Variants in NME5 observed in about 807,000 individuals in gnomAD.
The protein encoded by NME5 is NME/NM23 family member 5.
In NME5, 18 loss-of-function variants were observed where a neutral mutation model predicts 21.6. The observed-to-expected ratio is 0.83, with a 90% CI of 0.58 to 1.24. NME5 has a LOEUF of 1.24. Ranked by LOEUF, NME5 falls within the 50% of genes most tolerant of loss-of-function variation. The probability of loss-of-function intolerance (pLI) is 0.00; values close to 1 mark genes in which losing one functional copy is unlikely to be tolerated. For synonymous variants in NME5, 70 were observed against 80.6 expected (o/e 0.87, Z 0.71); for missense variants, 223 against 255.4 (o/e 0.87, Z 0.86).
intron 2 of NME5, among the ~76,000 whole-genome samples, chr5:138,135,773 T>C (rs1365399737): frequency 6.6e-6 from 1 of 152,244 alleles, no homozygotes. Flanking sequence ...TGAAAAATCT[T>C]ATTCCTATCC....
In NME5 at chr5:138,128,497, G is replaced by GTATT. The variant is rs1751484131; in HGVS notation, c.414_417dup (p.Arg140AsnfsTer7). The GTATT allele has an allele frequency of 5.0e-6, 8 of 1,612,416 alleles. No individual in the cohort carries two copies. The highest frequency in any genetic ancestry group is 6.8e-6 in the Non-Finnish European group (8 of 1,179,082). ...AACTCACCTTCAGGAAACATAAAAC[G>GTATT]TATTTCTCTTTCCGCAGCAGCAAAG... On this transcript the variant is annotated frameshift_variant, in exon 4 of 6. Coordinates refer to ENST00000265191, the MANE Select transcript of NME5 (RefSeq NM_003551.3). LOFTEE classifies it high-confidence loss of function.
Position 138,128,513 on chromosome 5 carries a change from A to C in NME5, c.402T>G (p.Ala134=). The part of the protein sequence containing the change: ...NALHGSNDFA[A]AEREIRFMFP... ...ACATAAAACGTATTTCTCTTTCCGC[A>C]GCAGCAAAGTCATTACTCCCATGAA... Residue 134 remains alanine, a synonymous_variant, in exon 4 of 6, where the codon GCT becomes GCG. Transcript: ENST00000265191. 1 of 1,613,334 alleles carries C rather than the reference A, an allele frequency of 6.2e-7. No individual in the cohort carries two copies.
At chr5:138,121,161 TA>T (rs906855259) in intron 4 of NME5, among the ~76,000 whole-genome samples, 168 of 147,660 alleles carry the variant, frequency 1.1e-3, no homozygotes, top group African/African-American at 3.7e-3. Flanking sequence ...CTCTGTCTCT[TA>T]AAAAAAAAAG....
At chr5:138,132,735 T>C (rs1751597486) in intron 2 of NME5, among the ~76,000 whole-genome samples, 1 of 152,202 alleles carries the variant, frequency 6.6e-6, no homozygotes, top group Admixed American at 6.5e-5. Context: ...CTAGGTGGCA[T>C]AGCTCTGCTA....
intron 4 of NME5, among the ~76,000 whole-genome samples, chr5:138,127,856 C>T (rs1751458822): frequency 6.6e-6 from 1 of 152,164 alleles, no homozygotes; most frequent in Non-Finnish European, 1.5e-5. Flanking sequence ...TCTACTGAAC[C>T]TTTCAGGATA....
At chr5:138,116,236 G>C (rs920304646) in intron 5 of NME5, 1 of 152,304 alleles carries the variant, frequency 6.6e-6, no homozygotes, top group African/African-American at 2.4e-5. Flanking sequence ...AGAAATTAAA[G>C]AATACCTAAA....
chr5:138,134,841 T>C (rs933718635), intron 2 of NME5, among the ~76,000 whole-genome samples: 9 of 105,922 alleles, frequency 8.5e-5, no homozygotes, highest in African/African-American at 2.6e-4. Context: ...TTCTCCTGCC[T>C]CGTAGCTGGG....
chr5:138,126,546 C>T (rs902344002), intron 4 of NME5, among the ~76,000 whole-genome samples: 6 of 118,856 alleles, frequency 5.0e-5, no homozygotes, highest in African/African-American at 1.5e-4. Context: ...AGAAAGAAAG[C>T]GAAAAGAAAG....
chr5:138,128,134 G>A (rs911603898), intron 4 of NME5, among the ~76,000 whole-genome samples: 2 of 152,062 alleles, frequency 1.3e-5, no homozygotes, highest in African/African-American at 2.4e-5. Context: ...GAGGATCACC[G>A]GAGCCCAGGA....
chr5:138,115,750 A>G lies in NME5; in HGVS notation c.570T>C (p.Asp190=). 6.3e-7 allele frequency: 1 copy of G among 1,582,642 alleles called. No individual in the cohort carries two copies. The highest frequency in any genetic ancestry group is 8.5e-7 in the Non-Finnish European group (1 of 1,170,314). Residue 190 remains aspartate, a synonymous_variant, in exon 6 of 6, where the codon GAT becomes GAC. Coordinates refer to ENST00000265191, the MANE Select transcript of NME5 (RefSeq NM_003551.3). ...KPADPLIWLA[D]WLLKNNPNKP... is the part of the protein sequence containing the mutation. Reference sequence around the variant, plus strand: ...TGTTAGGATTATTTTTCAGCAGCCAATCAGCTAGCCAAATCTATGGGAAAA... The same window carrying G: ...TGTTAGGATTATTTTTCAGCAGCCAGTCAGCTAGCCAAATCTATGGGAAAA...
intron 4 of NME5, among the ~76,000 whole-genome samples, chr5:138,122,678 TA>T (rs1369441232): frequency 4.1e-5 from 2 of 48,556 alleles, no homozygotes; most frequent in East Asian, 7.5e-4. Flanking sequence ...AAAATTTTTT[TA>T]ATTTTTTTTT....
rs1561586403 is a variant in NME5, at chr5:138,120,227, G to GTTTTTTTTTTTTTTTTT, written c.437-1292_437-1291insAAAAAAAAAAAAAAAAA. Among the ~76,000 whole-genome samples, 7 of 118,044 alleles carry GTTTTTTTTTTTTTTTTT rather than the reference G, an allele frequency of 5.9e-5. 2 individuals carry two copies. The highest frequency in any genetic ancestry group is 6.7e-5 in the Non-Finnish European group (4 of 59,396). The allele number at this position is 118,044 out of a possible 152,430, so 77.4% of individuals were successfully genotyped here. On this transcript the variant is annotated intron_variant, in intron 4 of 5. Coordinates refer to ENST00000265191, the MANE Select transcript of NME5 (RefSeq NM_003551.3). ...TTACAGGTGCAAACCACTGCTCCCA[G>GTTTTTTTTTTTTTTTTT]CTCTTTTTTTTTTTTTTTTTTTTTT...
chr5:138,118,881 A>G lies in NME5; in HGVS notation c.492T>C (p.His164=). Reference sequence around the variant, plus strand: ...GTCCTTCAAGCAGAGTTGGCATTATATGTAAATTTAAATAGTCCTTAGCAG... The same window carrying G: ...GTCCTTCAAGCAGAGTTGGCATTATGTGTAAATTTAAATAGTCCTTAGCAG... ...GQAAKDYLNL[H]IMPTLLEGLT... is the part of the protein sequence containing the mutation. The change falls in exon 5 of 6, where the codon CAT becomes CAC. Residue 164 remains histidine, a synonymous_variant. Coordinates refer to ENST00000265191, the MANE Select transcript of NME5 (RefSeq NM_003551.3). 2 of 1,613,274 alleles carry G rather than the reference A, an allele frequency of 1.2e-6. No homozygotes were observed. Among genetic ancestry groups the G allele is most frequent in the Non-Finnish European group, 1.7e-6 (2 of 1,179,312 alleles).
intron 2 of NME5, among the ~76,000 whole-genome samples, chr5:138,132,940 G>GTT (rs566088397): frequency 6.9e-6 from 1 of 145,488 alleles, no homozygotes; most frequent in African/African-American, 2.5e-5. Flanking sequence ...GCGTATTAGC[G>GTT]TTTTTTTTTT....
At chr5:138,127,422 A>G in intron 4 of NME5, 5 of 949,172 alleles carry the variant, frequency 5.3e-6, no homozygotes, top group Non-Finnish European at 5.0e-6. Context: ...GAAAAAAAAT[A>G]TATCAGGAAC....
At chr5:138,129,198 A>ATTT in intron 3 of NME5, 65 bp downstream of exon 3, 11 of 1,091,386 alleles carry the variant, frequency 1.0e-5, no homozygotes, top group Admixed American at 2.5e-5. Flanking sequence ...ATGAAATCAG[A>ATTT]TTTTTTTTTT....
intron 2 of NME5, among the ~76,000 whole-genome samples, chr5:138,133,699 T>C (rs1389925010): frequency 2.0e-5 from 3 of 152,204 alleles, no homozygotes; most frequent in Admixed American, 6.5e-5. Context: ...CTCAAGTTCA[T>C]TGGACTCCCA....
At chr5:138,135,259 C>T (rs1168035593) in intron 2 of NME5, among the ~76,000 whole-genome samples, 4 of 141,764 alleles carry the variant, frequency 2.8e-5, no homozygotes, top group Non-Finnish European at 3.1e-5. Context: ...CGGAGCTTGC[C>T]GTGAGCCGAG....
At chr5:138,130,803 G>A (rs751837584) in intron 2 of NME5, among the ~76,000 whole-genome samples, 1 of 151,958 alleles carries the variant, frequency 6.6e-6, no homozygotes, top group Non-Finnish European at 1.5e-5. Context: ...GCACGCGCCT[G>A]TAGTCCCAGC....
Sources: allele counts gnomAD v4.1 joint callset (sites outside exome capture counted in the v4.1 genomes callset), GRCh38; gene constraint gnomAD v4.1.1; transcripts MANE v1.5; gene names NCBI Gene and HGNC (gene_info 2026-07-23, HGNC 2026-07-21).